The following REL variants were observed in gnomAD, a reference collection of about 807,000 sequenced individuals.
REL encodes proto-oncogene c-Rel.
A neutral mutation model predicts 45.9 loss-of-function variants in REL; 15 were observed. That is an observed-to-expected ratio of 0.33 (90% CI 0.22 to 0.50). The LOEUF (loss-of-function observed/expected upper bound fraction) is 0.50. Ranked by LOEUF, REL falls within the 20% of genes least tolerant of loss-of-function variation. The probability of loss-of-function intolerance (pLI) is 0.98; values close to 1 mark genes in which losing one functional copy is unlikely to be tolerated. For synonymous variants in REL, 239 were observed against 242.1 expected (o/e 0.99, Z 0.12); for missense variants, 601 against 715.2 (o/e 0.84, Z 1.82).
chr2:60,892,776 A>G lies in REL; in HGVS notation c.153+951A>G, dbSNP rs570136561. Among the ~76,000 whole-genome samples the G allele has an allele frequency of 1.0e-4, 15 of 150,072 alleles. 1 individual carries two copies. The highest frequency in any genetic ancestry group is 3.7e-4 in the African/African-American group (15 of 40,638). On this transcript the variant is annotated intron_variant, in intron 2 of 9. Coordinates refer to ENST00000394479, the MANE Select transcript of REL (RefSeq NM_001291746.2). ...TTTTTTTATTTTTTATTTTTTTGAG[A>G]CGGAGTCTCACTCTGTTGCCCAGGC... is the stretch of plus-strand genomic sequence containing the variant.
intron 1 of REL, among the ~76,000 whole-genome samples, chr2:60,888,552 A>T (rs983023737): frequency 6.6e-6 from 1 of 152,246 alleles, no homozygotes; most frequent in Non-Finnish European, 1.5e-5. Flanking sequence ...TGCAAGGATA[A>T]AATCGTGAAA....
At chr2:60,902,239 A>G (rs1284826043) in intron 4 of REL, among the ~76,000 whole-genome samples, 2 of 152,248 alleles carry the variant, frequency 1.3e-5, no homozygotes, top group East Asian at 3.8e-4. Flanking sequence ...ATATATTCAC[A>G]GGTAATTACT....
intron 5 of REL, 73 bp from the exon 6 acceptor site, chr2:60,918,118 A>G (rs1674033588): frequency 2.3e-6 from 2 of 874,608 alleles, no homozygotes; most frequent in South Asian, 1.7e-5. Flanking sequence ...TTTTCCTCAA[A>G]TTCTTCCCTG....
rs1289876102 is a variant in REL at position 60,925,509 on chromosome 2, G to A, written c.*2974G>A. ...ATTATGAAATCTCACAAGAATCATAGAATTCAATAAAAAAGGTAGAAAGTA... is the reference window on the plus strand; with the variant it reads ...ATTATGAAATCTCACAAGAATCATAAAATTCAATAAAAAAGGTAGAAAGTA... On this transcript the variant is annotated 3_prime_UTR_variant, in exon 10 of 10. Coordinates refer to ENST00000394479, the MANE Select transcript of REL (RefSeq NM_001291746.2). 1 of 180,338 alleles carries A rather than the reference G, an allele frequency of 5.5e-6. No homozygotes were observed. Among genetic ancestry groups the A allele is most frequent in the African/African-American group, 2.4e-5 (1 of 42,306 alleles). 11.2% of individuals were successfully genotyped at this position (180,338 alleles called of 1,614,324 possible).
At chr2:60,893,770 C>T (rs1242094998) in intron 2 of REL, among the ~76,000 whole-genome samples, 1 of 152,168 alleles carries the variant, frequency 6.6e-6, no homozygotes, top group African/African-American at 2.4e-5. Context: ...GTTCTTGCAA[C>T]TTTACTAGCT....
intron 4 of REL, among the ~76,000 whole-genome samples, chr2:60,902,350 C>G (rs1193950490): frequency 6.6e-6 from 1 of 151,990 alleles, no homozygotes; most frequent in Non-Finnish European, 1.5e-5. Flanking sequence ...TCCAGTCTTA[C>G]CAGGGGAGAC....
intron 3 of REL, among the ~76,000 whole-genome samples, chr2:60,895,729 A>T (rs898449194): frequency 6.6e-6 from 1 of 152,230 alleles, no homozygotes; most frequent in Non-Finnish European, 1.5e-5. Flanking sequence ...AAAAATATTA[A>T]TGCCTCTTGA....
intron 4 of REL, among the ~76,000 whole-genome samples, chr2:60,910,456 C>T (rs867685984): frequency 3.1e-4 from 41 of 132,512 alleles, no homozygotes; most frequent in African/African-American, 1.2e-3. Flanking sequence ...CAGAGTGAGA[C>T]TCCATCTCAA....
intron 2 of REL, 101 bp from the exon 3 acceptor site, chr2:60,894,296 G>A (rs375064871): frequency 2.9e-6 from 2 of 688,364 alleles, no homozygotes; most frequent in East Asian, 6.2e-5. Flanking sequence ...TTTATCTAGT[G>A]CCAATTACAT....
Position 60,931,000 on chromosome 2 carries a change from A to G in REL, c.*8465A>G, listed in dbSNP as rs894016556. Reference sequence around the variant, plus strand: ...TTTTTGGTAAAAGTATCAAACATTCATCTTGCCCATTTTTCCTCTTAAACT... The same window carrying G: ...TTTTTGGTAAAAGTATCAAACATTCGTCTTGCCCATTTTTCCTCTTAAACT... On this transcript the variant is annotated 3_prime_UTR_variant, in exon 10 of 10. Transcript: ENST00000394479. 2 of 152,376 alleles carry G rather than the reference A, an allele frequency of 1.3e-5. No individual in the cohort carries two copies. The highest frequency in any genetic ancestry group is 4.8e-5 in the African/African-American group (2 of 41,458). The allele number at this position is 152,376 out of a possible 1,614,324, so 9.4% of individuals were successfully genotyped here.
At chr2:60,907,623 C>T (rs956724344) in intron 4 of REL, among the ~76,000 whole-genome samples, 5 of 151,834 alleles carry the variant, frequency 3.3e-5, no homozygotes, top group African/African-American at 1.2e-4. Context: ...GACAGTGAGA[C>T]CCCGTATCAA....
At chr2:60,900,965 T>C (rs1426904313) in intron 3 of REL, 27 bp from the exon 4 acceptor site, 11 of 1,574,100 alleles carry the variant, frequency 7.0e-6, no homozygotes, top group Non-Finnish European at 9.5e-6. Context: ...TATAATGCAG[T>C]TTTGAATATT....
chr2:60,913,802 G>A (rs959972895), intron 4 of REL, among the ~76,000 whole-genome samples: 1 of 151,974 alleles, frequency 6.6e-6, no homozygotes, highest in Admixed American at 6.6e-5. Flanking sequence ...TTCATATTTT[G>A]TCCACTTTAT....
rs1272796059 is a variant in REL, at chr2:60,929,362, A to G, written c.*6827A>G. 7.2e-6 allele frequency: 1 copy of G among 138,362 alleles called. No individual in the cohort carries two copies. Among genetic ancestry groups the G allele is most frequent in the East Asian group, 2.0e-4 (1 of 5,128 alleles). The allele number at this position is 138,362 out of a possible 1,614,324, so 8.6% of individuals were successfully genotyped here. On this transcript the variant is annotated 3_prime_UTR_variant, in exon 10 of 10. Transcript: ENST00000394479. ...CTATAAATCATGCTGCTATAAAGAC[A>G]CATGCACACGTATGTTTATTGCGGC...
chr2:60,883,293 A>G (rs1368645966), intron 1 of REL, among the ~76,000 whole-genome samples: 1 of 152,226 alleles, frequency 6.6e-6, no homozygotes, highest in Non-Finnish European at 1.5e-5. Context: ...GAGCAGAACA[A>G]TGCCATAGCT....
chr2:60,891,624 A>G (rs1673217516), intron 1 of REL, 59 bp from the exon 2 acceptor site: 4 of 1,357,252 alleles, frequency 2.9e-6, no homozygotes, highest in Non-Finnish European at 3.9e-6. Context: ...GAATGTTAAA[A>G]TCCATTATTA....
At chr2:60,884,099 CAAAAAA>C (rs199826692) in intron 1 of REL, among the ~76,000 whole-genome samples, 5 of 66,722 alleles carry the variant, frequency 7.5e-5, no homozygotes, top group Non-Finnish European at 1.6e-4. Context: ...GAAGAGTGAC[CAAAAAA>C]AAAAAAAAAA....
At chr2:60,911,850 T>C (rs1673823661) in intron 4 of REL, among the ~76,000 whole-genome samples, 1 of 151,416 alleles carries the variant, frequency 6.6e-6, no homozygotes, top group African/African-American at 2.4e-5. Context: ...AATACAAAAT[T>C]AGCTGGGCGT....
intron 4 of REL, among the ~76,000 whole-genome samples, chr2:60,903,395 A>C (rs1363673072): frequency 5.3e-5 from 8 of 152,156 alleles, no homozygotes; most frequent in Non-Finnish European, 5.9e-5. Context: ...GCTCAGAATC[A>C]GGCTTGTTTT....
Sources: gnomAD v4.1 joint callset for allele counts (sites outside exome capture counted in the v4.1 genomes callset) on GRCh38, gnomAD v4.1.1 for gene constraint, MANE v1.5 for transcripts, NCBI Gene and HGNC (gene_info 2026-07-23, HGNC 2026-07-21) for gene names.